The following PRRX1 variants were observed in gnomAD, a reference collection of about 807,000 sequenced individuals.
The protein encoded by PRRX1 is paired mesoderm homeobox protein 1.
PRRX1 carries 8 observed loss-of-function variants against 24.0 expected under a neutral mutation model. The ratio of observed to expected loss-of-function variants is 0.33; its 90% CI spans 0.20 to 0.60. The LOEUF (loss-of-function observed/expected upper bound fraction) is 0.60, where lower values mean the gene tolerates loss of function less well. Among genes scored for constraint, PRRX1 ranks in the 20% least tolerant of loss-of-function variants. The pLI, the probability that PRRX1 is intolerant of heterozygous loss-of-function variation, is 0.82. For synonymous variants in PRRX1, 160 were observed against 131.7 expected (o/e 1.22, Z -1.47); for missense variants, 281 against 322.4 (o/e 0.87, Z 0.98).
At chr1:170,726,135 C>G (rs552618878) in intron 2 of PRRX1, 85 bp from the exon 3 acceptor site, 2 of 1,329,314 alleles carry the variant, frequency 1.5e-6, no homozygotes, top group South Asian at 2.5e-5. Flanking sequence ...ATAGTAAAAT[C>G]AAGCAGAATT....
chr1:170,705,935 T>TACACACAAACACAC (rs1553253691), intron 1 of PRRX1, among the ~76,000 whole-genome samples: 40 of 146,538 alleles, frequency 2.7e-4, no homozygotes, highest in African/African-American at 9.5e-4. Context: ...CACACACACA[T>TACACACAAACACAC]ACACACACAC....
intron 2 of PRRX1, among the ~76,000 whole-genome samples, chr1:170,724,987 G>A (rs1008618430): frequency 1.3e-5 from 2 of 152,122 alleles, no homozygotes; most frequent in African/African-American, 4.8e-5. Flanking sequence ...CCTTGAAGAG[G>A]TGCTTTACTT....
rs540961526 is a variant in PRRX1 at position 170,686,192 on chromosome 1, A to C, written c.241+21733A>C. ...TAGTTAAGGGTACAAAAAAAAAAAA[A>C]AAACAAGTTGCTATTTACGTTTCAG... On this transcript the variant is annotated intron_variant, in intron 1 of 3. Coordinates refer to ENST00000239461, the MANE Select transcript of PRRX1 (RefSeq NM_022716.4). Among the ~76,000 whole-genome samples, 39 of 152,144 alleles carry C rather than the reference A, an allele frequency of 2.6e-4. No homozygotes were observed. In the East Asian group the frequency reaches 7.2e-3, roughly 28 times the overall value.
intron 3 of PRRX1, 55 bp downstream of exon 3, chr1:170,726,456 G>A (rs990138892): frequency 2.5e-6 from 4 of 1,580,786 alleles, no homozygotes; most frequent in Admixed American, 1.7e-5. Context: ...CTCAGCGGTC[G>A]GTCATGTTTC....
chr1:170,688,066 A>G (rs1402236425), intron 1 of PRRX1, among the ~76,000 whole-genome samples: 1 of 152,226 alleles, frequency 6.6e-6, no homozygotes, highest in African/African-American at 2.4e-5. Flanking sequence ...GCATGTAGGC[A>G]TACATTTATT....
chr1:170,709,679 A>G (rs1262830872), intron 1 of PRRX1, among the ~76,000 whole-genome samples: 1 of 152,154 alleles, frequency 6.6e-6, no homozygotes, highest in Non-Finnish European at 1.5e-5. Flanking sequence ...AACATACAAC[A>G]TTTCTCTCTA....
In PRRX1 at chr1:170,738,547, T is replaced by C; in HGVS notation, c.*2361T>C. The C allele has an allele frequency of 4.4e-6, 1 of 228,548 alleles. No homozygotes were observed. The highest frequency in any genetic ancestry group is 8.7e-6 in the Non-Finnish European group (1 of 115,200). The allele number at this position is 228,548 out of a possible 1,614,324, so 14.2% of individuals were successfully genotyped here. ...CATTAGTTGCTGTGGATTATCAAGTTTTGAAGGAACTGTACATCCCAACAG... is the reference window on the plus strand; with the variant it reads ...CATTAGTTGCTGTGGATTATCAAGTCTTGAAGGAACTGTACATCCCAACAG... On this transcript the variant is annotated 3_prime_UTR_variant, in exon 4 of 4. Coordinates refer to ENST00000239461, the MANE Select transcript of PRRX1 (RefSeq NM_022716.4).
intron 1 of PRRX1, among the ~76,000 whole-genome samples, chr1:170,665,111 G>C (rs941480438): frequency 6.6e-6 from 1 of 152,228 alleles, no homozygotes; most frequent in Non-Finnish European, 1.5e-5. Flanking sequence ...CAAAAGCCCG[G>C]CTGGCTTGGG....
At chr1:170,687,375 G>A (rs1653780706) in intron 1 of PRRX1, among the ~76,000 whole-genome samples, 1 of 152,162 alleles carries the variant, frequency 6.6e-6, no homozygotes, top group Middle Eastern at 3.2e-3. Flanking sequence ...AAGGCAATCT[G>A]TTTGGATGCT....
intron 1 of PRRX1, among the ~76,000 whole-genome samples, chr1:170,697,672 A>C (rs905221725): frequency 2.0e-5 from 3 of 148,146 alleles, no homozygotes; most frequent in African/African-American, 7.3e-5. Flanking sequence ...ACATATATTT[A>C]TATATGCATA....
chr1:170,670,104 C>A (rs540487853), intron 1 of PRRX1, among the ~76,000 whole-genome samples: 5 of 152,308 alleles, frequency 3.3e-5, no homozygotes, highest in African/African-American at 1.2e-4. Flanking sequence ...AAGGGGCCAA[C>A]TCTCCGTGTC....
intron 2 of PRRX1, among the ~76,000 whole-genome samples, chr1:170,720,641 CTTG>C (rs1303693456): frequency 6.6e-6 from 1 of 152,160 alleles, no homozygotes; most frequent in Non-Finnish European, 1.5e-5. Flanking sequence ...CTTCAAGAAA[CTTG>C]TTGTAAGTAC....
chr1:170,689,655 T>C lies in PRRX1; in HGVS notation c.241+25196T>C, dbSNP rs145566923. On this transcript the variant is annotated intron_variant, in intron 1 of 3. Transcript: ENST00000239461. ...TATGGTTCCAAGGTCCTGATACTTA[T>C]CAGCTTTAAAAAAATCGTTTTCATT... 4.2e-3 allele frequency among the ~76,000 whole-genome samples: 640 copies of C among 152,210 alleles called. 2 individuals carry two copies. Among genetic ancestry groups the C allele is most frequent in the African/African-American group, 0.014 (601 of 41,550 alleles).
intron 3 of PRRX1, chr1:170,726,654 T>A (rs763288678): frequency 3.2e-5 from 15 of 469,046 alleles, no homozygotes; most frequent in Non-Finnish European, 5.3e-5. Flanking sequence ...TGCAAAGGTT[T>A]CAAAGATGAG....
chr1:170,671,807 G>A (rs934608075), intron 1 of PRRX1, among the ~76,000 whole-genome samples: 43 of 152,162 alleles, frequency 2.8e-4, no homozygotes, highest in African/African-American at 1.0e-3. Context: ...TGGAATTGGT[G>A]GGTGCTAGGA....
intron 3 of PRRX1, among the ~76,000 whole-genome samples, chr1:170,733,949 A>G (rs2101927820): frequency 6.6e-6 from 1 of 152,246 alleles, no homozygotes; most frequent in South Asian, 2.1e-4. Flanking sequence ...ACTTTAGTGT[A>G]TCGTTCTGGT....
intron 1 of PRRX1, among the ~76,000 whole-genome samples, chr1:170,707,641 A>G (rs1345422533): frequency 6.6e-6 from 1 of 152,164 alleles, no homozygotes; most frequent in African/African-American, 2.4e-5. Context: ...AAAGGTGCTG[A>G]CTTCTGAGTA....
chr1:170,713,924 T>C (rs892007053), intron 1 of PRRX1, among the ~76,000 whole-genome samples: 1 of 152,178 alleles, frequency 6.6e-6, no homozygotes, highest in Admixed American at 6.5e-5. Context: ...GGTATTTGTA[T>C]TGGCAGAGAT....
chr1:170,725,731 T>C (rs1655235748), intron 2 of PRRX1, among the ~76,000 whole-genome samples: 2 of 152,236 alleles, frequency 1.3e-5, no homozygotes, highest in Admixed American at 1.3e-4. Flanking sequence ...ATAAAACATT[T>C]CCTTCTTAAA....
Sources: allele counts gnomAD v4.1 joint callset (sites outside exome capture counted in the v4.1 genomes callset), GRCh38; gene constraint gnomAD v4.1.1; transcripts MANE v1.5; gene names NCBI Gene and HGNC (gene_info 2026-07-23, HGNC 2026-07-21).